Variants in POMT1 observed in about 807,000 individuals in gnomAD.
The protein encoded by POMT1 is protein O-mannosyl-transferase 1.
POMT1 carries 85 observed loss-of-function variants against 101.6 expected under a neutral mutation model. The observed-to-expected ratio is 0.84, with a 90% confidence interval of 0.70 to 1.00. POMT1 has a LOEUF of 1.00. Among genes scored for constraint, POMT1 ranks in the 50% least tolerant of loss-of-function variants. The pLI is 0.00. For missense variants in POMT1, 857 were observed against 930.4 expected, an observed-to-expected ratio of 0.92 and a Z score of 1.03; for synonymous variants, 371 against 383.0, an observed-to-expected ratio of 0.97 and a Z score of 0.37.
At position 131,518,842 on chromosome 9, in the gene POMT1, C is replaced by T. The variant is rs746412899; in HGVS notation, c.1371C>T (p.Ser457=). 1.2e-6 allele frequency: 2 copies of T among 1,613,960 alleles called. No homozygotes were observed. The highest frequency in any genetic ancestry group is 1.1e-5 in the South Asian group (1 of 91,084). ...HVNTSAVLKL[S]GAHLPDWGYR... is the part of the protein sequence containing the mutation. ...CTCTCCTGCGGTGTCACCAGCTGAG[C>T]GGGGCTCACCTCCCTGACTGGGGGT... is the stretch of plus-strand genomic sequence containing the variant. The change falls in exon 15 of 20, where the codon AGC becomes AGT. Residue 457 remains serine, a synonymous_variant. Coordinates refer to ENST00000402686, the MANE Select transcript of POMT1 (RefSeq NM_001077365.2).
chr9:131,511,417 G>A lies in POMT1; in HGVS notation c.936G>A (p.Gly312=), dbSNP rs797045897. The part of the protein sequence containing the change: ...GSQVTLRNVF[G]KPVPCWLHSH... ...AGGTCACTCTGAGGAACGTCTTTGG[G>A]AAACCTGTGCCCTGCTGGCTTCATT... The change falls in exon 10 of 20, where the codon GGG becomes GGA. Residue 312 remains glycine (G), a synonymous_variant. Transcript: ENST00000402686. 2 of 1,614,186 alleles carry A rather than the reference G, an allele frequency of 1.2e-6. No homozygotes were observed. The highest frequency in any genetic ancestry group is 1.3e-5 in the African/African-American group (1 of 75,054).
chr9:131,504,818 G>A (rs992813916), intron 2 of POMT1, among the ~76,000 whole-genome samples: 2 of 143,852 alleles, frequency 1.4e-5, no homozygotes, highest in East Asian at 2.2e-4. Context: ...TTGCTGTGTC[G>A]CCCAGGTTGG....
At chr9:131,513,524 G>C (rs1157144298) in intron 12 of POMT1, among the ~76,000 whole-genome samples, 193 bp downstream of exon 12, 1 of 152,212 alleles carries the variant, frequency 6.6e-6, no homozygotes, top group Non-Finnish European at 1.5e-5. Flanking sequence ...GCGGGGTTAA[G>C]AGGAAGCAGG....
At chr9:131,514,314 G>A (rs948110850) in intron 12 of POMT1, among the ~76,000 whole-genome samples, 25 of 152,144 alleles carry the variant, frequency 1.6e-4, no homozygotes, top group African/African-American at 5.5e-4. Flanking sequence ...CTTCACCCCC[G>A]CCACCCTGGC....
rs1319113300 is a variant in POMT1, at chr9:131,520,161, A to C, written c.1666A>C (p.Asn556His). Residue 556 changes from asparagine (N) to histidine (H), a missense_variant, in exon 17 of 20, where the codon AAT (asparagine) becomes CAT (histidine). Coordinates refer to ENST00000402686, the MANE Select transcript of POMT1 (RefSeq NM_001077365.2). ...SPLEWVTLDTNIAYWLHPRTS... is the reference protein window; with the variant it reads ...SPLEWVTLDTHIAYWLHPRTS... ...ACTGGAGTGGGTCACCCTGGACACC[A>C]ATATTGCCTACTGGCTGCACCCCAG... 1 of 1,613,796 alleles carries C rather than the reference A, an allele frequency of 6.2e-7. No homozygotes were observed. Among genetic ancestry groups the C allele is most frequent in the Admixed American group, 1.7e-5 (1 of 60,026 alleles).
In POMT1 at chr9:131,522,043, A is replaced by G. The variant is rs1290095088; in HGVS notation, c.1826-4A>G. 5.0e-6 allele frequency: 8 copies of G among 1,613,812 alleles called. No individual in the cohort carries two copies. The highest frequency in any genetic ancestry group is 5.9e-6 in the Non-Finnish European group (7 of 1,179,936). ...GTCGGTGTAGCTCGAGCCCTTTCCT[A>G]TAGATGCCTGGCTGCGCTGGGTGCT... On this transcript the variant is annotated splice_polypyrimidine_tract_variant and splice_region_variant and intron_variant, in intron 18 of 19. Coordinates refer to ENST00000402686, the MANE Select transcript of POMT1 (RefSeq NM_001077365.2). This position sits in a 1 kb window ranked among gnomAD's most constrained non-coding sequence, Gnocchi z 5.5.
At chr9:131,511,004 A>C in intron 9 of POMT1, 2 of 262,620 alleles carry the variant, frequency 7.6e-6, no homozygotes, top group Non-Finnish European at 1.5e-5. Flanking sequence ...TGTTTCAGCA[A>C]GTTGTTTGGC....
At chr9:131,509,178 G>A (rs1946538431) in intron 6 of POMT1, among the ~76,000 whole-genome samples, 156 bp downstream of exon 6, 1 of 151,412 alleles carries the variant, frequency 6.6e-6, no homozygotes, top group Non-Finnish European at 1.5e-5. Flanking sequence ...TTTTTGAGAC[G>A]GAGTCCCTGT....
Position 131,507,658 on chromosome 9 carries a change from T to A in POMT1, c.427+144T>A, listed in dbSNP as rs186825994. 2.3e-5 allele frequency: 27 copies of A among 1,190,232 alleles called. 1 individual carries two copies. The Middle Eastern group carries it at 8.3e-4, about 37-fold the overall frequency. The allele number at this position is 1,190,232 out of a possible 1,614,324, so 73.7% of individuals were successfully genotyped here. A position where few individuals can be genotyped will look rare whatever the true frequency, so the allele number is the denominator to read the frequency against. The stretch of plus-strand genomic sequence containing the variant: ...AAATTTGACGCTGCAAGTCACCCGC[T>A]CCCAGGCTGACCCCGTGGTTATGGG... On this transcript the variant is annotated intron_variant, in intron 5 of 19. Coordinates refer to ENST00000402686, the MANE Select transcript of POMT1 (RefSeq NM_001077365.2).
chr9:131,503,193 A>C lies in POMT1; in HGVS notation c.-31+120A>C, dbSNP rs1223625612. On this transcript the variant is annotated intron_variant, in intron 1 of 19. Coordinates refer to ENST00000402686, the MANE Select transcript of POMT1 (RefSeq NM_001077365.2). The surrounding 1 kb of genome is among the most constrained non-coding windows in gnomAD (Gnocchi z 4.4). Reference sequence around the variant, plus strand: ...GCCGGGGGCGTCCCCGTCTTTCCGGAGCTGGGGGCGGGGTTCGGGCCCGGG... The same window carrying C: ...GCCGGGGGCGTCCCCGTCTTTCCGGCGCTGGGGGCGGGGTTCGGGCCCGGG... 1 of 151,948 alleles carries C rather than the reference A, an allele frequency of 6.6e-6. No individual in the cohort carries two copies. Among genetic ancestry groups the C allele is most frequent in the Non-Finnish European group, 1.5e-5 (1 of 68,078 alleles). 9.4% of individuals were successfully genotyped at this position (151,948 alleles called of 1,614,324 possible). A position where few individuals can be genotyped will look rare whatever the true frequency, so the allele number is the denominator to read the frequency against.
intron 6 of POMT1, among the ~76,000 whole-genome samples, chr9:131,509,352 T>C (rs760352835): frequency 6.6e-6 from 1 of 152,142 alleles, no homozygotes; most frequent in African/African-American, 2.4e-5. Flanking sequence ...GGTTTCACCA[T>C]ATTGGCCAGG....
intron 14 of POMT1, 90 bp from the exon 15 acceptor site, chr9:131,518,747 G>A: frequency 1.9e-6 from 3 of 1,603,086 alleles, no homozygotes; most frequent in Non-Finnish European, 8.5e-7. Flanking sequence ...CTGACAGCGT[G>A]ACCCGGGCAG....
chr9:131,507,586 A>T lies in POMT1; in HGVS notation c.427+72A>T, dbSNP rs138335760. On this transcript the variant is annotated intron_variant, in intron 5 of 19. Transcript: ENST00000402686. ...CTGACCCTTTGGCCCGGAAGATCAC[A>T]TGGGCTTGGTGGGCGAGCTGCACCA... 2,005 of 1,601,344 alleles carry T rather than the reference A, an allele frequency of 1.3e-3. 15 individuals are homozygous for T. Among genetic ancestry groups the T allele is most frequent in the East Asian group, 5.9e-3 (266 of 44,834 alleles).
At chr9:131,521,030 A>G (rs1949817523) in intron 17 of POMT1, 1 of 386,804 alleles carries the variant, frequency 2.6e-6, no homozygotes, top group Non-Finnish European at 5.0e-6. Flanking sequence ...TTTAATAGAG[A>G]CGGGGTTTCG....
At chr9:131,511,016 C>A in intron 9 of POMT1, 8 of 285,994 alleles carry the variant, frequency 2.8e-5, no homozygotes, top group South Asian at 1.5e-4. Flanking sequence ...TTGTTTGGCT[C>A]ACCCTAGTCT....
chr9:131,507,319 A>T, intron 4 of POMT1, 49 bp from the exon 5 acceptor site: 1 of 1,612,876 alleles, frequency 6.2e-7, no homozygotes, highest in East Asian at 2.2e-5. Flanking sequence ...GTACACAGAG[A>T]TGGTGTGTGC....
At chr9:131,521,137 C>G (rs1949839451) in intron 17 of POMT1, 4 of 642,804 alleles carry the variant, frequency 6.2e-6, no homozygotes, top group Non-Finnish European at 8.3e-6. Context: ...GCCACCACAC[C>G]CGGCTGGCAT....
At chr9:131,509,568 G>T (rs1346766292) in intron 6 of POMT1, among the ~76,000 whole-genome samples, 175 bp from the exon 7 acceptor site, 2 of 152,192 alleles carry the variant, frequency 1.3e-5, no homozygotes, top group African/African-American at 2.4e-5. Context: ...TGGGCAAAAA[G>T]AAAAATTCTG....
intron 9 of POMT1, 158 bp downstream of exon 9, chr9:131,510,573 T>C (rs1564350044): frequency 1.9e-6 from 2 of 1,041,656 alleles, no homozygotes; most frequent in East Asian, 2.6e-5. Flanking sequence ...GGAGTCTTAC[T>C]CTGTCACCCA....
Sources: allele counts gnomAD v4.1 joint callset (sites outside exome capture counted in the v4.1 genomes callset), GRCh38; gene constraint gnomAD v4.1.1; non-coding constraint Gnocchi (gnomAD v3.1); transcripts MANE v1.5; gene names NCBI Gene and HGNC (gene_info 2026-07-23, HGNC 2026-07-21).